Variants in CLYBL observed in about 807,000 individuals in gnomAD.
CLYBL encodes the protein citramalyl-CoA lyase, mitochondrial.
CLYBL carries 31 observed loss-of-function variants against 38.9 expected under a neutral mutation model. The ratio of observed to expected loss-of-function variants is 0.80; its 90% CI spans 0.60 to 1.08. CLYBL has a LOEUF of 1.08. Ranked by LOEUF, CLYBL falls within the 50% of genes least tolerant of loss-of-function variation. The pLI, the probability that CLYBL is intolerant of heterozygous loss-of-function variation, is 0.00. For synonymous variants in CLYBL, 171 were observed against 158.6 expected (o/e 1.08, Z -0.59); for missense variants, 434 against 411.6 (o/e 1.05, Z -0.47).
intron 1 of CLYBL, among the ~76,000 whole-genome samples, chr13:99,734,956 T>A (rs902771794): frequency 5.9e-5 from 9 of 152,152 alleles, no homozygotes; most frequent in Non-Finnish European, 1.3e-4. Context: ...AGTAAAAAAA[T>A]TTGTGGAAAT....
At chr13:99,811,928 A>G (rs890567767) in intron 2 of CLYBL, among the ~76,000 whole-genome samples, 1 of 152,230 alleles carries the variant, frequency 6.6e-6, no homozygotes, top group African/African-American at 2.4e-5. Context: ...ATACCAGCCA[A>G]CTAGTCACTG....
intron 2 of CLYBL, among the ~76,000 whole-genome samples, chr13:99,775,295 G>A (rs575469644): frequency 1.3e-5 from 2 of 152,094 alleles, no homozygotes; most frequent in South Asian, 2.1e-4. Flanking sequence ...TCTGGGTTCC[G>A]AAGCCATCCT....
chr13:99,784,554 A>G (rs991863741), intron 2 of CLYBL, among the ~76,000 whole-genome samples: 1 of 147,278 alleles, frequency 6.8e-6, no homozygotes, highest in Admixed American at 7.1e-5. Context: ...TCCTGGGTTC[A>G]AGCAATTCTC....
chr13:99,607,570 T>C (rs1328777798), intron 1 of CLYBL, among the ~76,000 whole-genome samples: 1 of 151,000 alleles, frequency 6.6e-6, no homozygotes, highest in Non-Finnish European at 1.5e-5. Flanking sequence ...TACGTGCACA[T>C]ACATGGTCTC....
intron 1 of CLYBL, among the ~76,000 whole-genome samples, chr13:99,745,655 T>C (rs2048835457): frequency 6.6e-6 from 1 of 152,188 alleles, no homozygotes; most frequent in Non-Finnish European, 1.5e-5. Flanking sequence ...CTCTGAATAA[T>C]TAAGAAGGAA....
Position 99,859,046 on chromosome 13 carries a change from G to T in CLYBL, c.435G>T (p.Gln145His). ...AGGTGGAAAGTCCTGAAGAAATCCA[G>T]TGGGTGAGTAGCTAATGCTTTGCCT... The part of the protein sequence containing the change: ...LPKVESPEEI[Q>H]WFADKFSFHL... The change falls in exon 3 of 9, where the codon CAG becomes CAT. Residue 145 changes from glutamine (Q) to histidine (H), a missense_variant. Transcript: ENST00000339105. 1 of 1,611,970 alleles carries T rather than the reference G, an allele frequency of 6.2e-7. No homozygotes were observed.
At chr13:99,703,769 A>G (rs1335291059) in intron 1 of CLYBL, among the ~76,000 whole-genome samples, 1 of 152,072 alleles carries the variant, frequency 6.6e-6, no homozygotes, top group South Asian at 2.1e-4. Flanking sequence ...TGTTTGTTTT[A>G]TTTGTAAGCT....
At chr13:99,637,446 A>G (rs1183518070) in intron 1 of CLYBL, among the ~76,000 whole-genome samples, 1 of 152,212 alleles carries the variant, frequency 6.6e-6, no homozygotes, top group Non-Finnish European at 1.5e-5. Flanking sequence ...AAAGAAGAAA[A>G]AAGTTGCCAC....
intron 1 of CLYBL, among the ~76,000 whole-genome samples, chr13:99,713,378 C>T (rs1160619844): frequency 5.9e-5 from 8 of 136,318 alleles, no homozygotes; most frequent in African/African-American, 1.4e-4. Context: ...CTTGGTCTGT[C>T]GCCCAGGCTG....
intron 7 of CLYBL, chr13:99,884,987 A>G (rs746058829): frequency 2.1e-6 from 1 of 483,942 alleles, no homozygotes; most frequent in African/African-American, 2.0e-5. Flanking sequence ...GTAGGTCGGT[A>G]TTGCTGCTCT....
At chr13:99,860,940 C>G (rs2051585652) in intron 3 of CLYBL, among the ~76,000 whole-genome samples, 1 of 152,204 alleles carries the variant, frequency 6.6e-6, no homozygotes, top group Admixed American at 6.5e-5. Flanking sequence ...CCTCCTTTGT[C>G]ATGGGACAAT....
intron 2 of CLYBL, among the ~76,000 whole-genome samples, chr13:99,831,641 T>C (rs2050805000): frequency 6.6e-6 from 1 of 152,124 alleles, no homozygotes. Context: ...ATATTAGATC[T>C]TTTGAAGTAA....
chr13:99,653,046 G>A (rs953959004), intron 1 of CLYBL, among the ~76,000 whole-genome samples: 1 of 152,200 alleles, frequency 6.6e-6, no homozygotes, highest in South Asian at 2.1e-4. Flanking sequence ...GGCCCTGGGG[G>A]AGGTGGGGCT....
intron 2 of CLYBL, among the ~76,000 whole-genome samples, chr13:99,784,580 G>A (rs535032513): frequency 1.3e-5 from 2 of 149,644 alleles, no homozygotes; most frequent in East Asian, 2.0e-4. Context: ...TCAGCCTCCC[G>A]AGTAGCTAGG....
intron 1 of CLYBL, among the ~76,000 whole-genome samples, chr13:99,686,058 C>A (rs1004222697): frequency 3.9e-5 from 6 of 152,140 alleles, no homozygotes; most frequent in Non-Finnish European, 5.9e-5. Flanking sequence ...ATTCAGAGCC[C>A]ACCTTTGACT....
At chr13:99,905,181 A>G (rs998860286) in intron 8 of CLYBL, among the ~76,000 whole-genome samples, 1 of 151,962 alleles carries the variant, frequency 6.6e-6, no homozygotes, top group Admixed American at 6.6e-5. Context: ...GGGCTAAAAG[A>G]CCTCTGGTTG....
In CLYBL at chr13:99,695,680, T is replaced by G. The variant is rs191230187; in HGVS notation, c.63-77144T>G. 2.4e-3 allele frequency among the ~76,000 whole-genome samples: 359 copies of G among 152,150 alleles called. 2 individuals are homozygous for G. Among genetic ancestry groups the G allele is most frequent in the Non-Finnish European group, 1.4e-3 (93 of 67,988 alleles). On this transcript the variant is annotated intron_variant, in intron 1 of 8. Transcript: ENST00000339105. ...GATTGCAGGTACGCACCACCACACC[T>G]GGCTAATTTTTGTATTTTTAGTAGA... is the stretch of plus-strand genomic sequence containing the variant.
At position 99,864,798 on chromosome 13, in the gene CLYBL, T is replaced by A. The variant is rs1222482504; in HGVS notation, c.541-20T>A. On this transcript the variant is annotated intron_variant, in intron 4 of 8. Transcript: ENST00000339105. ...CGCACGCGTTTCCGTGAGACTTAGT[T>A]CTGTTCTGCTCTTTTACAGGCAGTG... 3 of 1,577,084 alleles carry A rather than the reference T, an allele frequency of 1.9e-6. No homozygotes were observed. The highest frequency in any genetic ancestry group is 2.6e-6 in the Non-Finnish European group (3 of 1,146,576).
At chr13:99,760,018 G>A (rs1040445607) in intron 1 of CLYBL, among the ~76,000 whole-genome samples, 2 of 152,082 alleles carry the variant, frequency 1.3e-5, no homozygotes, top group African/African-American at 2.4e-5. Flanking sequence ...AGTCAGACTC[G>A]CTATTTATCT....
Sources: allele counts gnomAD v4.1 joint callset (sites outside exome capture counted in the v4.1 genomes callset), GRCh38; gene constraint gnomAD v4.1.1; transcripts MANE v1.5; gene names NCBI Gene and HGNC (gene_info 2026-07-23, HGNC 2026-07-21).